Variants in BIN2 observed in about 807,000 individuals in gnomAD.
The protein encoded by BIN2 is breast cancer associated protein BRAP1.
A neutral mutation model predicts 67.9 loss-of-function variants in BIN2; 43 were observed. That is an observed-to-expected ratio of 0.63 (90% CI 0.50 to 0.82). The LOEUF (loss-of-function observed/expected upper bound fraction) is 0.82. Ranked by LOEUF, BIN2 falls within the 40% of genes least tolerant of loss-of-function variation. The pLI, the probability that BIN2 is intolerant of heterozygous loss-of-function variation, is 0.00. For synonymous variants in BIN2, 244 were observed against 246.8 expected (o/e 0.99, Z 0.11); for missense variants, 581 against 671.6 (o/e 0.87, Z 1.49).
At chr12:51,287,046 T>G (rs1432943973) in intron 11 of BIN2, among the ~76,000 whole-genome samples, 1 of 151,970 alleles carries the variant, frequency 6.6e-6, no homozygotes, top group Non-Finnish European at 1.5e-5. Flanking sequence ...GATCTTAGAC[T>G]CCTGGGGTCA....
chr12:51,316,185 A>C (rs1408493691), intron 1 of BIN2, among the ~76,000 whole-genome samples: 1 of 152,136 alleles, frequency 6.6e-6, no homozygotes, highest in Non-Finnish European at 1.5e-5. Flanking sequence ...CTGTTCAACA[A>C]ATTTTTATTA....
intron 2 of BIN2, among the ~76,000 whole-genome samples, chr12:51,304,687 T>C (rs914178346): frequency 7.9e-5 from 12 of 152,232 alleles, no homozygotes; most frequent in African/African-American, 2.4e-4. Context: ...TTAATTGCTG[T>C]ATTCATTACT....
At chr12:51,295,321 G>T (rs1405320967) in intron 9 of BIN2, among the ~76,000 whole-genome samples, 1 of 150,372 alleles carries the variant, frequency 6.7e-6, no homozygotes, top group Non-Finnish European at 1.5e-5. Flanking sequence ...GGCCGAGGCG[G>T]GCGGATCACG....
intron 7 of BIN2, among the ~76,000 whole-genome samples, 180 bp downstream of exon 7, chr12:51,299,023 A>C (rs574606852): frequency 1.8e-4 from 27 of 149,028 alleles, no homozygotes; most frequent in East Asian, 1.6e-3. Flanking sequence ...CAGTGAGCTG[A>C]GATTGAGTGC....
Position 51,292,239 on chromosome 12 carries a change from C to T in BIN2, c.867G>A (p.Glu289=). 4 of 1,606,708 alleles carry T rather than the reference C, an allele frequency of 2.5e-6. No individual in the cohort carries two copies. The highest frequency in any genetic ancestry group is 1.3e-5 in the African/African-American group (1 of 75,008). The change falls in exon 10 of 13, where the codon GAG becomes GAA. Residue 289 remains glutamate (E), a synonymous_variant. Coordinates refer to ENST00000615107, the MANE Select transcript of BIN2 (RefSeq NM_016293.4). ...CTTCAGTTGCTGAGACAGATTCACT[C>T]TCACTCTTCAAGGAAAGTGTAGAGG... ...TSPSTLSLKS[E]SESVSATEDL...
intron 10 of BIN2, among the ~76,000 whole-genome samples, chr12:51,289,684 A>G (rs927535722): frequency 6.6e-5 from 10 of 151,724 alleles, no homozygotes; most frequent in African/African-American, 2.2e-4. Context: ...TTGCTCTTCA[A>G]TGGGTTGGCA....
intron 4 of BIN2, 29 bp downstream of exon 4, chr12:51,302,657 A>G (rs1209784408): frequency 1.9e-6 from 3 of 1,567,722 alleles, no homozygotes; most frequent in South Asian, 1.1e-5. Context: ...GTAAGTGCCA[A>G]TAAGTTGTAA....
chr12:51,314,928 C>T (rs1946083442), intron 1 of BIN2, among the ~76,000 whole-genome samples: 3 of 151,976 alleles, frequency 2.0e-5, no homozygotes, highest in Admixed American at 2.0e-4. Context: ...TCACAACTTA[C>T]TACAGCCTCA....
upstream of BIN2, chr12:51,324,567 A>C: frequency 2.0e-6 from 3 of 1,505,446 alleles, no homozygotes; most frequent in Non-Finnish European, 2.6e-6. Flanking sequence ...CGCCATGTAC[A>C]CTGCGTTTCT....
chr12:51,305,327 TA>T (rs1389535630), intron 2 of BIN2, among the ~76,000 whole-genome samples: 2 of 140,560 alleles, frequency 1.4e-5, no homozygotes, highest in Non-Finnish European at 3.1e-5. Context: ...TAAATAAAAA[TA>T]AAAAATTATG....
chr12:51,282,694 C>T (rs1945143736), intron 12 of BIN2, among the ~76,000 whole-genome samples: 1 of 152,056 alleles, frequency 6.6e-6, no homozygotes, highest in Non-Finnish European at 1.5e-5. Flanking sequence ...GTCCCGGGTT[C>T]AAGTGATTCT....
chr12:51,324,538 C>CT (rs1565696271), upstream of BIN2: 2 of 1,530,396 alleles, frequency 1.3e-6, no homozygotes, highest in East Asian at 5.0e-5. Flanking sequence ...TTTAGGTTCT[C>CT]TGAGTATGCA....
chr12:51,290,857 C>T lies in BIN2; in HGVS notation c.1515+734G>A, dbSNP rs184484240. On this transcript the variant is annotated intron_variant, in intron 10 of 12. Coordinates refer to ENST00000615107, the MANE Select transcript of BIN2 (RefSeq NM_016293.4). ...CTGAGGCAGGAAAATGGTGTGAACC[C>T]GGGAGGCGGAGCTTGCAGTGAGCAG... is the stretch of plus-strand genomic sequence containing the variant. Among the ~76,000 whole-genome samples the T allele has an allele frequency of 3.2e-3, 480 of 152,270 alleles. 2 individuals are homozygous for T. The highest frequency in any genetic ancestry group is 0.011 in the African/African-American group (461 of 41,554).
chr12:51,301,881 A>G (rs1592267340), intron 5 of BIN2, 139 bp downstream of exon 5: 2 of 620,592 alleles, frequency 3.2e-6, no homozygotes. Flanking sequence ...TCTAACCCTC[A>G]ACCTTAATCT....
At chr12:51,321,929 C>T (rs999764470) in intron 1 of BIN2, among the ~76,000 whole-genome samples, 1 of 152,348 alleles carries the variant, frequency 6.6e-6, no homozygotes, top group African/African-American at 2.4e-5. Context: ...TTCAGGCTGA[C>T]GGAGCTGAGC....
chr12:51,304,932 G>A (rs1945828556), intron 2 of BIN2, among the ~76,000 whole-genome samples: 2 of 151,972 alleles, frequency 1.3e-5, no homozygotes, highest in Admixed American at 1.3e-4. Flanking sequence ...CAGGAGAATG[G>A]GCATGAACCC....
At chr12:51,300,958 C>T (rs1592266408) in intron 5 of BIN2, among the ~76,000 whole-genome samples, 2 of 152,166 alleles carry the variant, frequency 1.3e-5, no homozygotes, top group African/African-American at 4.8e-5. Context: ...CAGTGGCTCA[C>T]GCCTGCAATC....
At chr12:51,310,597 A>G (rs955166305) in intron 2 of BIN2, among the ~76,000 whole-genome samples, 3 of 152,250 alleles carry the variant, frequency 2.0e-5, no homozygotes, top group African/African-American at 7.2e-5. Flanking sequence ...GCAAGTTGCA[A>G]AATCATATGC....
chr12:51,285,556 A>C (rs990932262), intron 11 of BIN2, among the ~76,000 whole-genome samples: 1 of 152,146 alleles, frequency 6.6e-6, no homozygotes, highest in Non-Finnish European at 1.5e-5. Context: ...AAAACATGAA[A>C]TTTAATTTAC....
Sources: allele counts gnomAD v4.1 joint callset (sites outside exome capture counted in the v4.1 genomes callset), GRCh38; gene constraint gnomAD v4.1.1; transcripts MANE v1.5; gene names NCBI Gene and HGNC (gene_info 2026-07-23, HGNC 2026-07-21).